SIGLEC6: variants seen among roughly 807,000 people sequenced by gnomAD.
SIGLEC6 encodes sialic acid binding Ig like lectin 6.
Under a neutral mutation model 41.4 loss-of-function variants are expected in SIGLEC6, and 31 were observed. The observed-to-expected ratio is 0.75, with a 90% CI of 0.56 to 1.01. The LOEUF (loss-of-function observed/expected upper bound fraction) is 1.01, where lower values mean the gene tolerates loss of function less well. Among genes scored for constraint, SIGLEC6 ranks in the 50% least tolerant of loss-of-function variants. SIGLEC6 has a pLI of 0.00. For synonymous variants in SIGLEC6, 217 were observed against 231.0 expected (o/e 0.94, Z 0.55); for missense variants, 555 against 558.6 (o/e 0.99, Z 0.06).
rs1346407859 is a variant in SIGLEC6, at chr19:51,527,957, A to G, written c.1107-129T>C. ...AGGTCCAGGTGCTCACATGAGCCCA[A>G]GAGTTGGACCACGGTTTCAAAGAGA... On this transcript the variant is annotated intron_variant, in intron 6 of 7. Transcript: ENST00000425629. The G allele has an allele frequency of 7.0e-6, 7 of 996,586 alleles. No individual in the cohort carries two copies. In the East Asian group the frequency reaches 1.5e-4, roughly 21 times the overall value. 61.7% of individuals were successfully genotyped at this position (996,586 alleles called of 1,614,324 possible). A position where few individuals can be genotyped will look rare whatever the true frequency, so the allele number is the denominator to read the frequency against.
chr19:51,524,852 G>A lies in SIGLEC6; in HGVS notation c.1188+2895C>T, dbSNP rs1187699817. Among the ~76,000 whole-genome samples the A allele has an allele frequency of 3.9e-5, 6 of 152,304 alleles. No individual in the cohort carries two copies. In the East Asian group the frequency reaches 1.2e-3, roughly 29 times the overall value. On this transcript the variant is annotated intron_variant, in intron 7 of 7. Transcript: ENST00000425629. ...AGAATGAGACAAGGCAGCTCCCCAG[G>A]ATTGGCATGGAGCCAAGGGAGGCTC...
chr19:51,518,413 C>A lies in SIGLEC6; in HGVS notation c.*1669G>T, dbSNP rs1990674403. On this transcript the variant is annotated 3_prime_UTR_variant, in exon 8 of 8. Transcript: ENST00000425629. ...GGAGTGCAGTGATGCAATCTCAGCT[C>A]ACTTCAACCTCCACCTCCCAGGTTC... Among the ~76,000 whole-genome samples the A allele has an allele frequency of 6.6e-6, 1 of 152,166 alleles. No homozygotes were observed. The highest frequency in any genetic ancestry group is 2.1e-4 in the South Asian group (1 of 4,824).
At position 51,531,378 on chromosome 19, in the gene SIGLEC6, T is replaced by C. The variant is rs1980352868; in HGVS notation, c.209A>G (p.Glu70Gly). The change falls in exon 2 of 8, where the codon GAA becomes GGA. Residue 70 changes from glutamate (E) to glycine (G), a missense_variant. By Grantham distance (98) the Glu-to-Gly change is moderately conservative. Coordinates refer to ENST00000425629, the MANE Select transcript of SIGLEC6 (RefSeq NM_001245.7). Reference protein sequence around the residue: ...SYYGYGYWFLEGADVPVATND... With the variant: ...SYYGYGYWFLGGADVPVATND... The stretch of plus-strand genomic sequence containing the variant: ...TGTGGCCACTGGAACATCAGCCCCT[T>C]CCAGGAACCAGTAGCCATAACCATA... 3.1e-6 allele frequency: 5 copies of C among 1,614,158 alleles called. No homozygotes were observed. Among genetic ancestry groups the C allele is most frequent in the African/African-American group, 1.3e-5 (1 of 75,038 alleles).
chr19:51,521,215 T>C (rs1202556967), intron 7 of SIGLEC6, among the ~76,000 whole-genome samples: 1 of 152,192 alleles, frequency 6.6e-6, no homozygotes. Flanking sequence ...AAAGAAATTA[T>C]GTAATGATTC....
At position 51,531,642 on chromosome 19, in the gene SIGLEC6, C is replaced by T. The variant is rs754324160; in HGVS notation, c.7G>A (p.Gly3Arg). The T allele has an allele frequency of 5.6e-6, 9 of 1,603,562 alleles. No homozygotes were observed. The highest frequency in any genetic ancestry group is 3.3e-4 in the Middle Eastern group (2 of 6,036). The stretch of plus-strand genomic sequence containing the variant: ...TCTGAGGCGGAGGCTTCCTGGGCTC[C>T]CTGCATGAGCAGAGAAGGGGAAGGG... MQ[G>R]AQEASASEML... Residue 3 changes from glycine to arginine, a missense_variant, in exon 1 of 8, where the codon GGA (glycine) becomes AGA (arginine). Transcript: ENST00000425629.
rs10651662 is a variant in SIGLEC6, at chr19:51,519,296, G to GAAAAA, written c.*781_*785dup. On this transcript the variant is annotated 3_prime_UTR_variant, in exon 8 of 8. Coordinates refer to ENST00000425629, the MANE Select transcript of SIGLEC6 (RefSeq NM_001245.7). ...GGAGATACAGCAAGACTCCATCTCA[G>GAAAAA]AAAAAAAAAAAAAAAAAAAAAGCTA... Among the ~76,000 whole-genome samples, 77 of 90,730 alleles carry GAAAAA rather than the reference G, an allele frequency of 8.5e-4. 4 individuals are homozygous for GAAAAA. Among genetic ancestry groups the GAAAAA allele is most frequent in the African/African-American group, 1.3e-3 (29 of 22,658 alleles). The allele number at this position is 90,730 out of a possible 152,430, so 59.5% of individuals were successfully genotyped here.
intron 4 of SIGLEC6, 109 bp downstream of exon 4, chr19:51,530,328 G>T (rs1051868958): frequency 1.0e-6 from 1 of 1,004,122 alleles, no homozygotes; most frequent in Non-Finnish European, 1.5e-6. Flanking sequence ...TTCAGTCCAG[G>T]TCTTTGAAGT....
chr19:51,520,226 T>A lies in SIGLEC6; in HGVS notation c.1218A>T (p.Ile406=). 6.3e-7 allele frequency: 1 copy of A among 1,599,474 alleles called. No individual in the cohort carries two copies. Among genetic ancestry groups the A allele is most frequent in the Non-Finnish European group, 8.6e-7 (1 of 1,169,238 alleles). ...CAGCCTCAGCAGGGTGGTCTGAAAC[T>A]ATGCCTGTCTGGAACTGGTGCTGAT... The part of the protein sequence containing the change: ...RGHQHQFQTG[I]VSDHPAEAGP... The change falls in exon 8 of 8, where the codon ATA becomes ATT. Residue 406 remains isoleucine, a synonymous_variant. Transcript: ENST00000425629.
chr19:51,530,805 G>C lies in SIGLEC6; in HGVS notation c.582C>G (p.Thr194=), dbSNP rs1294588873. Residue 194 remains threonine (T), a synonymous_variant, in exon 3 of 8, where the codon ACC becomes ACG. Coordinates refer to ENST00000425629, the MANE Select transcript of SIGLEC6 (RefSeq NM_001245.7). ...SAAPTSLGPR[T]TQSSVLTITP... Reference sequence around the variant, plus strand: ...TGATTGTGAGCACCGAGGACTGGGTGGTCCTGGGGCCCAGGGAGGTGGGGG... The same window carrying C: ...TGATTGTGAGCACCGAGGACTGGGTCGTCCTGGGGCCCAGGGAGGTGGGGG... The C allele has an allele frequency of 6.2e-7, 1 of 1,614,106 alleles. No individual in the cohort carries two copies. Among genetic ancestry groups the C allele is most frequent in the Non-Finnish European group, 8.5e-7 (1 of 1,179,992 alleles).
At chr19:51,522,424 T>C (rs573540303) in intron 7 of SIGLEC6, among the ~76,000 whole-genome samples, 48 of 152,222 alleles carry the variant, frequency 3.2e-4, no homozygotes, top group African/African-American at 9.9e-4. Context: ...TATCAGTAAA[T>C]AGAAACATAT....
intron 3 of SIGLEC6, 80 bp downstream of exon 3, chr19:51,530,601 C>T (rs1980105228): frequency 1.2e-6 from 2 of 1,606,432 alleles, no homozygotes; most frequent in Non-Finnish European, 1.7e-6. Context: ...GCAACCAGGT[C>T]CCCAACTTTA....
chr19:51,524,057 A>G (rs1435901796), intron 7 of SIGLEC6, among the ~76,000 whole-genome samples: 1 of 152,218 alleles, frequency 6.6e-6, no homozygotes, highest in Non-Finnish European at 1.5e-5. Context: ...AAAACTATCA[A>G]AAAGGCAAAA....
chr19:51,528,608 T>C lies in SIGLEC6; in HGVS notation c.1013-355A>G, dbSNP rs148615916. Among the ~76,000 whole-genome samples the C allele has an allele frequency of 1.9e-3, 296 of 152,258 alleles. 3 individuals are homozygous for C. The highest frequency in any genetic ancestry group is 3.5e-3 in the Non-Finnish European group (239 of 68,012). On this transcript the variant is annotated intron_variant, in intron 5 of 7. Transcript: ENST00000425629. Reference sequence around the variant, plus strand: ...CATGACCTGATTTGGAGAAGGGTCATAGCTGATGTAATTAGTTATAATGAG... The same window carrying C: ...CATGACCTGATTTGGAGAAGGGTCACAGCTGATGTAATTAGTTATAATGAG...
rs1406665661 is a variant in SIGLEC6, at chr19:51,518,181, T to A, written c.*1901A>T. Among the ~76,000 whole-genome samples, 1 of 152,244 alleles carries A rather than the reference T, an allele frequency of 6.6e-6. No individual in the cohort carries two copies. The highest frequency in any genetic ancestry group is 6.5e-5 in the Admixed American group (1 of 15,288). On this transcript the variant is annotated 3_prime_UTR_variant, in exon 8 of 8. Transcript: ENST00000425629. ...TTTCCTTAAAATATCTATATTTCAC[T>A]TTCAGTCTTAAAATGTGTTTTCATT...
chr19:51,530,472 T>A lies in SIGLEC6; in HGVS notation c.719A>T (p.Lys240Ile). Residue 240 changes from lysine to isoleucine, a missense_variant, in exon 4 of 8, where the codon AAA (lysine) becomes ATA (isoleucine). Transcript: ENST00000425629. ...IQLNVSYAPQKVAISIFQGNS... is the reference protein window; with the variant it reads ...IQLNVSYAPQIVAISIFQGNS... The stretch of plus-strand genomic sequence containing the variant: ...TCCTTGGAAGATGCTGATGGCCACT[T>A]TCTGTGGAGCATCTGGGGTGGAAAG... 6.2e-7 allele frequency: 1 copy of A among 1,614,102 alleles called. No individual in the cohort carries two copies. The highest frequency in any genetic ancestry group is 8.5e-7 in the Non-Finnish European group (1 of 1,179,962).
chr19:51,531,525 G>A lies in SIGLEC6; in HGVS notation c.68-6C>T. 1 of 1,613,922 alleles carries A rather than the reference G, an allele frequency of 6.2e-7. No individual in the cohort carries two copies. The highest frequency in any genetic ancestry group is 8.5e-7 in the Non-Finnish European group (1 of 1,179,900). On this transcript the variant is annotated splice_region_variant and splice_polypyrimidine_tract_variant and intron_variant, in intron 1 of 7. Coordinates refer to ENST00000425629, the MANE Select transcript of SIGLEC6 (RefSeq NM_001245.7). Reference sequence around the variant, plus strand: ...CCGCTCCTGAGCCAGGGCCCCTATGGAGACATGAGGGTCAGCTCGGCCCAG... The same window carrying A: ...CCGCTCCTGAGCCAGGGCCCCTATGAAGACATGAGGGTCAGCTCGGCCCAG...
At chr19:51,520,330 A>G (rs1415988538) in intron 7 of SIGLEC6, 75 bp from the exon 8 acceptor site, 2 of 913,868 alleles carry the variant, frequency 2.2e-6, no homozygotes, top group Non-Finnish European at 3.1e-6. Context: ...TCAGAAAGGG[A>G]GTAGAACTGA....
Position 51,519,993 on chromosome 19 carries a change from T to C in SIGLEC6, c.*89A>G, listed in dbSNP as rs1990781099. 1 of 1,113,646 alleles carries C rather than the reference T, an allele frequency of 9.0e-7. No individual in the cohort carries two copies. The allele number at this position is 1,113,646 out of a possible 1,614,324, so 69.0% of individuals were successfully genotyped here. A position where few individuals can be genotyped will look rare whatever the true frequency, so the allele number is the denominator to read the frequency against. ...AGTTCTGTGTTTATGTCACTCGGTT[T>C]GTGGTACATTGCTGTGGCAGCCCTA... On this transcript the variant is annotated 3_prime_UTR_variant, in exon 8 of 8. Transcript: ENST00000425629.
intron 7 of SIGLEC6, among the ~76,000 whole-genome samples, chr19:51,523,188 A>C (rs1978589024): frequency 6.6e-6 from 1 of 152,210 alleles, no homozygotes; most frequent in South Asian, 2.1e-4. Context: ...GAAAAATGGC[A>C]ATATCTAAAA....
Sources: gnomAD v4.1 joint callset for allele counts (sites outside exome capture counted in the v4.1 genomes callset) on GRCh38, gnomAD v4.1.1 for gene constraint, MANE v1.5 for transcripts, NCBI Gene and HGNC (gene_info 2026-07-23, HGNC 2026-07-21) for gene names.